Variants in POLE2 observed in about 807,000 individuals in gnomAD.
The protein encoded by POLE2 is DNA polymerase epsilon subunit 2.
Under a neutral mutation model 79.4 loss-of-function variants are expected in POLE2, and 56 were observed. The observed-to-expected ratio is 0.71, with a 90% CI of 0.57 to 0.88. The LOEUF is 0.88. Among genes scored for constraint, POLE2 ranks in the 40% least tolerant of loss-of-function variants. The pLI is 0.00. For missense variants in POLE2, 598 were observed against 638.9 expected, an observed-to-expected ratio of 0.94 and a Z score of 0.69; for synonymous variants, 212 against 214.0, an observed-to-expected ratio of 0.99 and a Z score of 0.08.
chr14:49,643,722 C>A, intron 18 of POLE2, 52 bp from the exon 19 acceptor site: 1 of 916,160 alleles, frequency 1.1e-6, no homozygotes, highest in South Asian at 1.5e-5. Flanking sequence ...TGTATACTTA[C>A]TAATAGTTGT....
rs759716369 is a variant in POLE2 at position 49,666,321 on chromosome 14, T to C, written c.576+9A>G. 1.4e-5 allele frequency: 20 copies of C among 1,464,212 alleles called. No individual in the cohort carries two copies. The highest frequency in any genetic ancestry group is 1.8e-5 in the Non-Finnish European group (19 of 1,072,916). 90.7% of individuals were successfully genotyped at this position (1,464,212 alleles called of 1,614,324 possible). On this transcript the variant is annotated intron_variant, in intron 7 of 18. Coordinates refer to ENST00000216367, the MANE Select transcript of POLE2 (RefSeq NM_002692.4). ...GCCAAAAATAAAAGTTTGATGCTTATTAAGTTACCTCTTTTAACTGCGTTA... is the reference window on the plus strand; with the variant it reads ...GCCAAAAATAAAAGTTTGATGCTTACTAAGTTACCTCTTTTAACTGCGTTA...
chr14:49,672,325 T>A lies in POLE2; in HGVS notation c.417+1798A>T, dbSNP rs921025655. On this transcript the variant is annotated intron_variant, in intron 5 of 18. Transcript: ENST00000216367. The stretch of plus-strand genomic sequence containing the variant: ...GGTCAGAGCTATACTTTGGGCAGAT[T>A]AACCTAGCAACACTATGTCGGCAAT... Among the ~76,000 whole-genome samples the A allele has an allele frequency of 3.5e-4, 54 of 152,174 alleles. 1 individual carries two copies. The highest frequency in any genetic ancestry group is 1.3e-3 in the African/African-American group (54 of 41,436).
intron 9 of POLE2, among the ~76,000 whole-genome samples, chr14:49,664,156 C>G (rs1885300869): frequency 6.6e-6 from 1 of 151,998 alleles, no homozygotes; most frequent in Non-Finnish European, 1.5e-5. Flanking sequence ...TGAAACCAGC[C>G]TGGGCAACAT....
At chr14:49,648,666 C>G (rs1883960650) in intron 17 of POLE2, among the ~76,000 whole-genome samples, 1 of 152,186 alleles carries the variant, frequency 6.6e-6, no homozygotes, top group African/African-American at 2.4e-5. Flanking sequence ...ATACTACTGG[C>G]ATTTAGTGGA....
At chr14:49,669,802 T>G (rs1442409355) in intron 5 of POLE2, among the ~76,000 whole-genome samples, 1 of 152,116 alleles carries the variant, frequency 6.6e-6, no homozygotes, top group Non-Finnish European at 1.5e-5. Context: ...TGTAAAAATT[T>G]TAAAGGTCTA....
intron 3 of POLE2, among the ~76,000 whole-genome samples, chr14:49,677,196 C>G (rs1393741959): frequency 6.6e-6 from 1 of 152,238 alleles, no homozygotes; most frequent in Non-Finnish European, 1.5e-5. Flanking sequence ...ATCACCTCTT[C>G]AATCACCCCA....
At chr14:49,681,858 G>C (rs981162936) in intron 2 of POLE2, 1 of 152,732 alleles carries the variant, frequency 6.5e-6, no homozygotes, top group African/African-American at 2.4e-5. Context: ...AGGGAGAGGA[G>C]GGAAGCAGTG....
intron 5 of POLE2, among the ~76,000 whole-genome samples, chr14:49,673,598 AG>A (rs1271068818): frequency 2.0e-5 from 3 of 152,190 alleles, no homozygotes; most frequent in African/African-American, 7.2e-5. Context: ...TCTCTTTTAT[AG>A]CACATATAAA....
intron 1 of POLE2, among the ~76,000 whole-genome samples, chr14:49,686,983 T>C (rs184065661): frequency 1.3e-5 from 2 of 152,170 alleles, no homozygotes; most frequent in African/African-American, 2.4e-5. Flanking sequence ...TTTCAATATG[T>C]ATAAAATATT....
intron 9 of POLE2, 52 bp from the exon 10 acceptor site, chr14:49,663,439 G>T: frequency 8.0e-7 from 1 of 1,252,604 alleles, no homozygotes; most frequent in South Asian, 1.3e-5. Flanking sequence ...TGTTTGAAAG[G>T]ACAAAATTAT....
intron 16 of POLE2, 83 bp downstream of exon 16, chr14:49,651,186 A>G: frequency 1.6e-6 from 1 of 643,600 alleles, no homozygotes; most frequent in Non-Finnish European, 2.8e-6. Context: ...GTCCTAACCC[A>G]AGGACAAATT....
chr14:49,661,373 T>G (rs1016306323), intron 10 of POLE2, among the ~76,000 whole-genome samples: 2 of 152,196 alleles, frequency 1.3e-5, no homozygotes, highest in Non-Finnish European at 2.9e-5. Context: ...CCAACTGGCA[T>G]TTTCAAAGGT....
intron 5 of POLE2, among the ~76,000 whole-genome samples, chr14:49,671,838 C>T (rs1885920805): frequency 6.6e-6 from 1 of 151,956 alleles, no homozygotes; most frequent in Admixed American, 6.6e-5. Flanking sequence ...CCTATAATCC[C>T]AGCTACTTGG....
In POLE2 at chr14:49,652,727, T is replaced by G. The variant is rs148115192; in HGVS notation, c.1211+1263A>C. ...CCGTCTGGTTTCAGGAAAACAAGCT[T>G]AGGGCTCCTACTGATTCTATATTAT... On this transcript the variant is annotated intron_variant, in intron 15 of 18. Coordinates refer to ENST00000216367, the MANE Select transcript of POLE2 (RefSeq NM_002692.4). Among the ~76,000 whole-genome samples the G allele has an allele frequency of 1.4e-3, 216 of 152,220 alleles. 2 individuals are homozygous for G. The highest frequency in any genetic ancestry group is 4.8e-3 in the African/African-American group (201 of 41,532).
Position 49,654,170 on chromosome 14 carries a change from C to G in POLE2, c.1118G>C (p.Gly373Ala), listed in dbSNP as rs764494280. ...FVPGPEDPGF[G>A]SILPRPPLAE... is the part of the protein sequence containing the mutation. ...CAAAACTTACCTTGGTAAGATGGAA[C>G]CAAATCCAGGATCCTCTGGACCAGG... Residue 373 changes from glycine (G) to alanine (A), a missense_variant, in exon 14 of 19, where the codon GGT becomes GCT. Coordinates refer to ENST00000216367, the MANE Select transcript of POLE2 (RefSeq NM_002692.4). The G allele has an allele frequency of 1.3e-5, 21 of 1,611,352 alleles. No individual in the cohort carries two copies. The highest frequency in any genetic ancestry group is 1.7e-5 in the Non-Finnish European group (20 of 1,178,346).
chr14:49,663,891 G>C (rs1228552917), intron 9 of POLE2, among the ~76,000 whole-genome samples: 2 of 151,780 alleles, frequency 1.3e-5, no homozygotes, highest in African/African-American at 4.8e-5. Context: ...AAAAAAATTA[G>C]CCAGGCGTAG....
intron 2 of POLE2, among the ~76,000 whole-genome samples, chr14:49,680,948 A>C (rs1594617127): frequency 1.3e-5 from 2 of 152,220 alleles, no homozygotes; most frequent in Non-Finnish European, 1.5e-5. Flanking sequence ...TCAACTGTAA[A>C]GGAATTTTTT....
At chr14:49,661,994 C>A (rs1293754372) in intron 10 of POLE2, among the ~76,000 whole-genome samples, 2 of 152,104 alleles carry the variant, frequency 1.3e-5, no homozygotes, top group East Asian at 3.8e-4. Context: ...ACCTCTCATT[C>A]CAAAGTAGTA....
chr14:49,683,500 A>T, intron 2 of POLE2, 93 bp downstream of exon 2: 1 of 636,370 alleles, frequency 1.6e-6, no homozygotes, highest in Non-Finnish European at 2.8e-6. Flanking sequence ...ACATCTTAAT[A>T]GTGAAGCCTC....
Sources: gnomAD v4.1 joint callset for allele counts (sites outside exome capture counted in the v4.1 genomes callset) on GRCh38, gnomAD v4.1.1 for gene constraint, MANE v1.5 for transcripts, NCBI Gene and HGNC (gene_info 2026-07-23, HGNC 2026-07-21) for gene names.